Variants in KIRREL3 observed in about 807,000 individuals in gnomAD.
The protein encoded by KIRREL3 is kin of IRRE-like protein 3.
In KIRREL3, 36 loss-of-function variants were observed where a neutral mutation model predicts 89.7. The observed-to-expected ratio is 0.40, with a 90% CI of 0.31 to 0.53. The LOEUF is 0.53. Ranked by LOEUF, KIRREL3 falls within the 20% of genes least tolerant of loss-of-function variation. The probability of loss-of-function intolerance (pLI) is 0.49; values close to 1 mark genes in which losing one functional copy is unlikely to be tolerated. For missense variants in KIRREL3, 864 were observed against 1,056.6 expected (o/e 0.82, Z 2.53); for synonymous variants, 445 against 441.4 (o/e 1.01, Z -0.10).
At chr11:126,461,503 G>T (rs1194029050) in intron 6 of KIRREL3, among the ~76,000 whole-genome samples, 3 of 152,186 alleles carry the variant, frequency 2.0e-5, no homozygotes, top group Non-Finnish European at 4.4e-5. Flanking sequence ...TGGTACAGGG[G>T]TATGTCGGGG....
intron 1 of KIRREL3, among the ~76,000 whole-genome samples, chr11:126,852,252 CA>C (rs1390294950): frequency 6.6e-6 from 1 of 152,022 alleles, no homozygotes; most frequent in African/African-American, 2.4e-5. Context: ...TGGGGTTTCA[CA>C]ATGTTGGCCA....
At chr11:126,838,767 T>C (rs7102782) in intron 1 of KIRREL3, among the ~76,000 whole-genome samples, 47,770 of 152,066 alleles carry the variant, frequency 0.31, 7,930 homozygotes, top group East Asian at 0.43. Context: ...AGCTGTCAGG[T>C]TGGAAAAATG....
intron 1 of KIRREL3, among the ~76,000 whole-genome samples, chr11:126,774,978 T>G (rs981879610): frequency 2.6e-5 from 4 of 152,184 alleles, no homozygotes; most frequent in African/African-American, 9.7e-5. Context: ...GAACCCCTGC[T>G]GTACCTGAGA....
At chr11:126,721,715 A>C (rs1948178712) in intron 1 of KIRREL3, among the ~76,000 whole-genome samples, 1 of 152,160 alleles carries the variant, frequency 6.6e-6, no homozygotes, top group Admixed American at 6.5e-5. Context: ...GATGAGCTTG[A>C]GCCCCCATAA....
rs149581318 is a variant in KIRREL3 at position 126,536,265 on chromosome 11, C to CTG, written c.134-9580_134-9579dup. 1.5e-3 allele frequency among the ~76,000 whole-genome samples: 227 copies of CTG among 150,336 alleles called. 1 individual carries two copies. The highest frequency in any genetic ancestry group is 0.01 in the Middle Eastern group (3 of 292). On this transcript the variant is annotated intron_variant, in intron 2 of 16. Coordinates refer to ENST00000525144, the MANE Select transcript of KIRREL3 (RefSeq NM_032531.4). ...GGCCTTGGTACTATGGTGTGTGTGT[C>CTG]TGTGTGTGTGTGTGTGTGTATCGGA... is the stretch of plus-strand genomic sequence containing the variant.
chr11:126,431,470 G>A lies in KIRREL3; in HGVS notation c.1645C>T (p.Leu549Phe), dbSNP rs1955125767. The A allele has an allele frequency of 6.2e-7, 1 of 1,614,054 alleles. No homozygotes were observed. The highest frequency in any genetic ancestry group is 8.5e-7 in the Non-Finnish European group (1 of 1,179,902). The change falls in exon 14 of 17, where the codon CTC becomes TTC. Residue 549 changes from leucine to phenylalanine, a missense_variant. By Grantham distance (22) the Leu-to-Phe change is conservative (BLOSUM62 0). Coordinates refer to ENST00000525144, the MANE Select transcript of KIRREL3 (RefSeq NM_032531.4). This position sits in a 1 kb window ranked among gnomAD's most constrained non-coding sequence, Gnocchi z 7.1. Reference sequence around the variant, plus strand: ...GCCACGATGGTTGCCATAAGGACGAGGAAGGCCACACCAGCTCCTACGGCC... The same window carrying A: ...GCCACGATGGTTGCCATAAGGACGAAGAAGGCCACACCAGCTCCTACGGCC... The part of the protein sequence containing the change: ...GVAVGAGVAF[L>F]VLMATIVAFC...
At chr11:126,951,051 A>T (rs998945360) in intron 1 of KIRREL3, among the ~76,000 whole-genome samples, 10 of 152,248 alleles carry the variant, frequency 6.6e-5, no homozygotes, top group Non-Finnish European at 1.0e-4. Flanking sequence ...TTCTTAACCC[A>T]ATCACATCTT....
chr11:126,987,723 T>A lies in KIRREL3; in HGVS notation c.55+12732A>T, dbSNP rs1486546479. On this transcript the variant is annotated intron_variant, in intron 1 of 16. Coordinates refer to ENST00000525144, the MANE Select transcript of KIRREL3 (RefSeq NM_032531.4). This position sits in a 1 kb window ranked among gnomAD's most constrained non-coding sequence, Gnocchi z 4.6. ...ATTTGAAGTATTCTATGCAGAGATC[T>A]ATCTTCCTTGCATTCCTCCTCTGTA... Among the ~76,000 whole-genome samples, 2 of 152,268 alleles carry A rather than the reference T, an allele frequency of 1.3e-5. No homozygotes were observed. The highest frequency in any genetic ancestry group is 4.8e-5 in the African/African-American group (2 of 41,478).
At position 126,719,713 on chromosome 11, in the gene KIRREL3, C is replaced by T. The variant is rs117730485; in HGVS notation, c.56-156801G>A. Among the ~76,000 whole-genome samples, 1 of 152,282 alleles carries T rather than the reference C, an allele frequency of 6.6e-6. No homozygotes were observed. Among genetic ancestry groups the T allele is most frequent in the Non-Finnish European group, 1.5e-5 (1 of 68,028 alleles). On this transcript the variant is annotated intron_variant, in intron 1 of 16. Transcript: ENST00000525144. The surrounding 1 kb of genome is among the most constrained non-coding windows in gnomAD (Gnocchi z 4.7). Reference sequence around the variant, plus strand: ...CAACCTTAGAAGTCATCCCTGATGCCTTTCTCTAATACTTTATCTTTCAAT... The same window carrying T: ...CAACCTTAGAAGTCATCCCTGATGCTTTTCTCTAATACTTTATCTTTCAAT...
At chr11:126,866,123 C>T (rs1053899583) in intron 1 of KIRREL3, among the ~76,000 whole-genome samples, 5 of 152,192 alleles carry the variant, frequency 3.3e-5, no homozygotes, top group African/African-American at 7.2e-5. Context: ...ATGTATGCTT[C>T]CATTGTGTAT....
intron 1 of KIRREL3, among the ~76,000 whole-genome samples, chr11:126,939,364 C>T (rs770141891): frequency 2.0e-5 from 3 of 152,154 alleles, no homozygotes; most frequent in Non-Finnish European, 4.4e-5. Flanking sequence ...GTAATTGGTT[C>T]TCTTAAACAT....
In KIRREL3 at chr11:126,780,395, A is replaced by G. The variant is rs996533982; in HGVS notation, c.56-217483T>C. Among the ~76,000 whole-genome samples the G allele has an allele frequency of 7.9e-5, 12 of 152,318 alleles. No individual in the cohort carries two copies. The highest frequency in any genetic ancestry group is 2.2e-4 in the African/African-American group (9 of 41,588). ...CCAGCTATTCGTGGGGAAGCCTGAC[A>G]GGGTTTCTTTTAACTTAATGTTTGC... On this transcript the variant is annotated intron_variant, in intron 1 of 16. Coordinates refer to ENST00000525144, the MANE Select transcript of KIRREL3 (RefSeq NM_032531.4). This position sits in a 1 kb window ranked among gnomAD's most constrained non-coding sequence, Gnocchi z 5.3.
At chr11:126,447,276 G>C (rs369056200) in intron 8 of KIRREL3, among the ~76,000 whole-genome samples, 22 of 145,754 alleles carry the variant, frequency 1.5e-4, no homozygotes, top group African/African-American at 5.1e-4. Flanking sequence ...CCAGTGGCGG[G>C]CAGGGGCCCT....
intron 1 of KIRREL3, among the ~76,000 whole-genome samples, chr11:126,758,497 T>C (rs1949575675): frequency 6.6e-6 from 1 of 152,262 alleles, no homozygotes; most frequent in Non-Finnish European, 1.5e-5. Flanking sequence ...TATACCTATG[T>C]CAGCCAGTCA....
In KIRREL3 at chr11:126,993,682, A is replaced by G. The variant is rs2135284991; in HGVS notation, c.55+6773T>C. Among the ~76,000 whole-genome samples the G allele has an allele frequency of 6.6e-6, 1 of 152,356 alleles. No homozygotes were observed. The highest frequency in any genetic ancestry group is 6.5e-5 in the Admixed American group (1 of 15,310). ...ACAGTGCCTACTGCATAGGAGGCCC[A>G]CAGTGAGTGCTGGCTGAGTGGTCAA... On this transcript the variant is annotated intron_variant, in intron 1 of 16. Transcript: ENST00000525144. This position sits in a 1 kb window ranked among gnomAD's most constrained non-coding sequence, Gnocchi z 6.1.
At position 126,579,306 on chromosome 11, in the gene KIRREL3, G is replaced by T. The variant is rs1941419892; in HGVS notation, c.56-16394C>A. Among the ~76,000 whole-genome samples, 2 of 152,110 alleles carry T rather than the reference G, an allele frequency of 1.3e-5. No individual in the cohort carries two copies. The highest frequency in any genetic ancestry group is 2.9e-5 in the Non-Finnish European group (2 of 68,022). ...AATCCAATTTCTTAAATTGCATCCA[G>T]GGCCAAGGGGTGCAAGCTGCTCTGT... On this transcript the variant is annotated intron_variant, in intron 1 of 16. Coordinates refer to ENST00000525144, the MANE Select transcript of KIRREL3 (RefSeq NM_032531.4). The surrounding 1 kb of genome is among the most constrained non-coding windows in gnomAD (Gnocchi z 5.3).
rs976523511 is a variant in KIRREL3, at chr11:126,997,607, C to T, written c.55+2848G>A. On this transcript the variant is annotated intron_variant, in intron 1 of 16. Transcript: ENST00000525144. The surrounding 1 kb of genome is among the most constrained non-coding windows in gnomAD (Gnocchi z 4.3). ...ATACATTGATTTCTGTTCTCTGTCT[C>T]TCTAAAAGGTTATAAGAAAAAGTAA... Among the ~76,000 whole-genome samples the T allele has an allele frequency of 6.6e-6, 1 of 152,150 alleles. No homozygotes were observed. Among genetic ancestry groups the T allele is most frequent in the African/African-American group, 2.4e-5 (1 of 41,446 alleles).
In KIRREL3 at chr11:126,608,352, C is replaced by CG. The variant is rs902688658; in HGVS notation, c.56-45441dup. Among the ~76,000 whole-genome samples, 24 of 152,286 alleles carry CG rather than the reference C, an allele frequency of 1.6e-4. No individual in the cohort carries two copies. The highest frequency in any genetic ancestry group is 3.9e-4 in the East Asian group (2 of 5,168). On this transcript the variant is annotated intron_variant, in intron 1 of 16. Transcript: ENST00000525144. This position sits in a 1 kb window ranked among gnomAD's most constrained non-coding sequence, Gnocchi z 4.9. ...CAGGCCCAACTTCTGACTTCCTGTG[C>CG]GGGGGCTCCTCCTCTAGCCCCAGGC...
rs929139236 is a variant in KIRREL3 at position 126,605,554 on chromosome 11, G to A, written c.56-42642C>T. On this transcript the variant is annotated intron_variant, in intron 1 of 16. Coordinates refer to ENST00000525144, the MANE Select transcript of KIRREL3 (RefSeq NM_032531.4). The surrounding 1 kb of genome is among the most constrained non-coding windows in gnomAD (Gnocchi z 5.7). Reference sequence around the variant, plus strand: ...TTAGCAGCTTGGCGCACGCAAATAGGAGCTCTGCTCACAGCCTGTGCTGGG... The same window carrying A: ...TTAGCAGCTTGGCGCACGCAAATAGAAGCTCTGCTCACAGCCTGTGCTGGG... 2.0e-5 allele frequency among the ~76,000 whole-genome samples: 3 copies of A among 152,236 alleles called. No individual in the cohort carries two copies. Among genetic ancestry groups the A allele is most frequent in the Non-Finnish European group, 2.9e-5 (2 of 68,044 alleles).
Sources: gnomAD v4.1 joint callset for allele counts (sites outside exome capture counted in the v4.1 genomes callset) on GRCh38, gnomAD v4.1.1 for gene constraint, Gnocchi (gnomAD v3.1) non-coding constraint, MANE v1.5 for transcripts, NCBI Gene and HGNC (gene_info 2026-07-23, HGNC 2026-07-21) for gene names.